SYNE1: variants seen among roughly 807,000 people sequenced by gnomAD.
SYNE1 encodes spectrin repeat containing nuclear envelope protein 1.
In SYNE1, 616 loss-of-function variants were observed where a neutral mutation model predicts 1,111.0. The observed-to-expected ratio is 0.55, with a 90% CI of 0.52 to 0.59. SYNE1 has a LOEUF of 0.59. SYNE1 is among the 20% of genes least tolerant of loss of function. The probability of loss-of-function intolerance (pLI) is 0.00; values close to 1 mark genes in which losing one functional copy is unlikely to be tolerated. For missense variants in SYNE1, 10,006 were observed against 10,417.0 expected, an observed-to-expected ratio of 0.96 and a Z score of 1.72; for synonymous variants, 3,855 against 3,825.8, an observed-to-expected ratio of 1.01 and a Z score of -0.28.
chr6:152,516,418 C>T (rs1346228245), intron 6 of SYNE1, among the ~76,000 whole-genome samples: 1 of 152,086 alleles, frequency 6.6e-6, no homozygotes, highest in Non-Finnish European at 1.5e-5. Flanking sequence ...ATAAACAATG[C>T]CTTTCATAGG....
intron 56 of SYNE1, among the ~76,000 whole-genome samples, chr6:152,378,577 C>T (rs2097337304): frequency 6.6e-6 from 1 of 152,280 alleles, no homozygotes; most frequent in East Asian, 1.9e-4. Flanking sequence ...TTGGGGGTGG[C>T]ACTACATCCT....
intron 121 of SYNE1, among the ~76,000 whole-genome samples, chr6:152,216,552 G>A (rs1036237725): frequency 2.0e-5 from 3 of 152,184 alleles, no homozygotes; most frequent in Non-Finnish European, 4.4e-5. Context: ...CACGGGCACA[G>A]TGGCACGGGA....
chr6:152,407,089 G>C lies in SYNE1; in HGVS notation c.6648C>G (p.Cys2216Trp). ...RDEIEGWSNN[C>W]VPQMAENISN... ...TGATGTTTTCTGCCATCTGTGGAACGCAGTTGTTTGACCATCCCTCAATCT... is the reference window on the plus strand; with the variant it reads ...TGATGTTTTCTGCCATCTGTGGAACCCAGTTGTTTGACCATCCCTCAATCT... Residue 2216 changes from cysteine to tryptophan, a missense_variant, in exon 45 of 146, where the codon TGC (cysteine) becomes TGG (tryptophan). Physicochemically the swap from Cys to Trp is radical, Grantham distance 215 (BLOSUM62 -2). Coordinates refer to ENST00000367255, the MANE Select transcript of SYNE1 (RefSeq NM_182961.4). 6.2e-7 allele frequency: 1 copy of C among 1,613,912 alleles called. No individual in the cohort carries two copies. Among genetic ancestry groups the C allele is most frequent in the Non-Finnish European group, 8.5e-7 (1 of 1,179,960 alleles).
At chr6:152,350,575 T>C in intron 71 of SYNE1, 43 bp downstream of exon 71, 1 of 1,613,852 alleles carries the variant, frequency 6.2e-7, no homozygotes. Flanking sequence ...GGCCCACATT[T>C]TGGAAAATAA....
At chr6:152,158,870 T>C (rs2061862538) in intron 131 of SYNE1, among the ~76,000 whole-genome samples, 1 of 152,248 alleles carries the variant, frequency 6.6e-6, no homozygotes, top group Non-Finnish European at 1.5e-5. Context: ...TTAAAATCAA[T>C]ATATGAAATA....
intron 53 of SYNE1, among the ~76,000 whole-genome samples, chr6:152,388,656 T>C (rs1413115637): frequency 6.6e-6 from 1 of 152,170 alleles, no homozygotes; most frequent in Non-Finnish European, 1.5e-5. Flanking sequence ...TGAGTCAGAG[T>C]ATTCCAAAAT....
Position 152,219,167 on chromosome 6 carries a change from C to T in SYNE1, c.21880G>A (p.Gly7294Ser). Residue 7294 changes from glycine (G) to serine (S), a missense_variant, in exon 120 of 146, where the codon GGC (glycine) becomes AGC (serine). Physicochemically the swap from Gly to Ser is moderately conservative, Grantham distance 56. Around this residue, in one of 7 missense-constraint regions of SYNE1, gnomAD observed 2,182 missense variants for 2,287.8 expected, o/e 0.95. Transcript: ENST00000367255. The stretch of plus-strand genomic sequence containing the variant: ...AAAAAGAGGGAATCTTTAACTGTGC[C>T]CAGTCCTTTGAGGAGGTCCTAGAAG... Reference protein sequence around the residue: ...QDCNDLLKGLGTVKDSLFFLH... With the variant: ...QDCNDLLKGLSTVKDSLFFLH... 6.2e-7 allele frequency: 1 copy of T among 1,613,926 alleles called. No homozygotes were observed. The highest frequency in any genetic ancestry group is 8.5e-7 in the Non-Finnish European group (1 of 1,179,932).
chr6:152,321,830 C>T lies in SYNE1; in HGVS notation c.15974G>A (p.Arg5325Gln), dbSNP rs1233067296. The change falls in exon 83 of 146, where the codon CGA becomes CAA. Residue 5325 changes from arginine (R) to glutamine (Q), a missense_variant. By Grantham distance (43) the Arg-to-Gln change is conservative. Coordinates refer to ENST00000367255, the MANE Select transcript of SYNE1 (RefSeq NM_182961.4). The stretch of plus-strand genomic sequence containing the variant: ...ATTGATCTGAGTCTCCACCATTTCT[C>T]GGTCCTTCAGCTCTTGCTTCACCAA... Reference protein sequence around the residue: ...GKLVKQELKDREMVETQINSV... With the variant: ...GKLVKQELKDQEMVETQINSV... 8.1e-6 allele frequency: 13 copies of T among 1,613,908 alleles called. No homozygotes were observed. Among genetic ancestry groups the T allele is most frequent in the South Asian group, 2.2e-5 (2 of 91,078 alleles).
At chr6:152,171,749 A>G (rs1298745259) in intron 130 of SYNE1, among the ~76,000 whole-genome samples, 1 of 152,220 alleles carries the variant, frequency 6.6e-6, no homozygotes, top group Non-Finnish European at 1.5e-5. Flanking sequence ...TTATATCCCT[A>G]GAGCAGGCCA....
Position 152,442,178 on chromosome 6 carries a change from C to A in SYNE1, c.3905G>T (p.Gly1302Val), listed in dbSNP as rs765195647. ...VQQQIAQAQQ[G>V]EGGLPDRGHE... Reference sequence around the variant, plus strand: ...GCCTCGGTCAGGCAGCCCCCCTTCTCCCTGCTGCGCCTGCGCGATCTGCTG... The same window carrying A: ...GCCTCGGTCAGGCAGCCCCCCTTCTACCTGCTGCGCCTGCGCGATCTGCTG... Residue 1302 changes from glycine to valine, a missense_variant, in exon 31 of 146, where the codon GGA becomes GTA. By Grantham distance (109) the Gly-to-Val change is moderately radical. Around this residue, in one of 7 missense-constraint regions of SYNE1, gnomAD observed 1,971 missense variants for 2,084.1 expected, o/e 0.95. Coordinates refer to ENST00000367255, the MANE Select transcript of SYNE1 (RefSeq NM_182961.4). 1.2e-6 allele frequency: 2 copies of A among 1,613,792 alleles called. No homozygotes were observed. The highest frequency in any genetic ancestry group is 3.3e-5 in the Admixed American group (2 of 60,032).
chr6:152,326,786 A>G (rs1039513099), intron 78 of SYNE1, among the ~76,000 whole-genome samples, 153 bp from the exon 79 acceptor site: 1 of 152,200 alleles, frequency 6.6e-6, no homozygotes, highest in Non-Finnish European at 1.5e-5. Context: ...TTGTGGTGCC[A>G]TCATCATTAT....
chr6:152,449,792 GA>G, intron 27 of SYNE1, 151 bp from the exon 28 acceptor site: 2 of 712,660 alleles, frequency 2.8e-6, no homozygotes, highest in Non-Finnish European at 4.8e-6. Context: ...CTTTTAACAT[GA>G]AGCTCATGTT....
At chr6:152,175,919 A>G (rs1355811667) in intron 130 of SYNE1, among the ~76,000 whole-genome samples, 2 of 152,198 alleles carry the variant, frequency 1.3e-5, no homozygotes, top group African/African-American at 4.8e-5. Flanking sequence ...CAAAATTACT[A>G]TAATGCAGCA....
rs1292197649 is a variant in SYNE1, at chr6:152,453,739, G to A, written c.2893-19C>T. The A allele has an allele frequency of 6.2e-7, 1 of 1,614,070 alleles. No homozygotes were observed. ...AAAACTCCTGACATGGAAGGGGAAA[G>A]TGGGTAAGAGTGTTGGACAGACGAA... On this transcript the variant is annotated intron_variant, in intron 24 of 145. Transcript: ENST00000367255.
chr6:152,535,642 C>A (rs1329576862), intron 4 of SYNE1, among the ~76,000 whole-genome samples: 1 of 152,034 alleles, frequency 6.6e-6, no homozygotes, highest in African/African-American at 2.4e-5. Flanking sequence ...ATATTCCATT[C>A]TATTTGATAA....
At chr6:152,366,364 C>T (rs1025400495) in intron 62 of SYNE1, among the ~76,000 whole-genome samples, 26 of 151,586 alleles carry the variant, frequency 1.7e-4, no homozygotes, top group Non-Finnish European at 3.5e-4. Context: ...AAAAACAGAA[C>T]AAAAACTTGG....
In SYNE1 at chr6:152,278,239, T is replaced by G. The variant is rs2093779516; in HGVS notation, c.18423A>C (p.Ser6141=). The part of the protein sequence containing the change: ...VEIEQKVVAL[S]ELSVHNENLL... Reference sequence around the variant, plus strand: ...GGTTCTCATTGTGGACTGACAGTTCTGATAAAGCCACCACCTTCTGCTCTA... The same window carrying G: ...GGTTCTCATTGTGGACTGACAGTTCGGATAAAGCCACCACCTTCTGCTCTA... Residue 6141 remains serine, a synonymous_variant, in exon 98 of 146, where the codon TCA becomes TCC. Transcript: ENST00000367255. 1 of 1,614,084 alleles carries G rather than the reference T, an allele frequency of 6.2e-7. No individual in the cohort carries two copies. Among genetic ancestry groups the G allele is most frequent in the Non-Finnish European group, 8.5e-7 (1 of 1,180,058 alleles).
intron 59 of SYNE1, among the ~76,000 whole-genome samples, chr6:152,371,849 A>AC: frequency 3.7e-4 from 2 of 5,430 alleles, no homozygotes; most frequent in Non-Finnish European, 6.5e-4. Flanking sequence ...ACAGGACAGG[A>AC]AAGGAAAGGA....
chr6:152,262,263 C>G, intron 100 of SYNE1, 75 bp from the exon 101 acceptor site: 1 of 1,330,118 alleles, frequency 7.5e-7, no homozygotes, highest in Admixed American at 1.7e-5. Flanking sequence ...ATTGTGTGTA[C>G]CAGACCTGGC....
Sources: allele counts gnomAD v4.1 joint callset (sites outside exome capture counted in the v4.1 genomes callset), GRCh38; gene constraint gnomAD v4.1.1; regional missense constraint gnomAD v4.1.1; transcripts MANE v1.5; gene names NCBI Gene and HGNC (gene_info 2026-07-23, HGNC 2026-07-21).